Variants in ZNF600 observed in about 807,000 individuals in gnomAD.
ZNF600 encodes zinc finger protein KR-ZNF1.
In ZNF600, 4 loss-of-function variants were observed where a neutral mutation model predicts 7.3. That is an observed-to-expected ratio of 0.55 (90% CI 0.27 to 1.25). ZNF600 has a LOEUF of 1.25. ZNF600 is among the 50% of genes most tolerant of loss of function. The pLI is 0.12. For missense variants in ZNF600, 911 were observed against 922.1 expected (o/e 0.99, Z 0.16); for synonymous variants, 290 against 308.9 (o/e 0.94, Z 0.64).
At chr19:52,809,463 C>G in the ZNF600 span, among the ~76,000 whole-genome samples, 2 of 152,100 alleles carry the variant, frequency 1.3e-5, no homozygotes, top group Non-Finnish European at 2.9e-5. Flanking sequence ...AAAATAGACA[C>G]TGGCGTCTAC....
chr19:52,821,686 G>A, the ZNF600 span: 2 of 152,308 alleles, frequency 1.3e-5, no homozygotes, highest in African/African-American at 2.4e-5. Flanking sequence ...AGCCAACGAG[G>A]AGGCGAGCGG....
At chr19:52,808,711 G>A in the ZNF600 span, among the ~76,000 whole-genome samples, 2 of 151,986 alleles carry the variant, frequency 1.3e-5, no homozygotes, top group African/African-American at 4.8e-5. Flanking sequence ...CTACTTGGAA[G>A]GCTAAGGAGG....
upstream of ZNF600, among the ~76,000 whole-genome samples, chr19:52,787,681 A>AC (rs1417709036): frequency 6.6e-6 from 1 of 150,446 alleles, no homozygotes; most frequent in African/African-American, 2.4e-5. Flanking sequence ...ACACAGTGAA[A>AC]CCCCATCTCT....
chr19:52,765,879 G>C lies in ZNF600; in HGVS notation c.2084C>G (p.Ser695Ter), dbSNP rs1254151349. Residue 695 changes from serine to a stop codon, truncating the protein, a stop_gained, in exon 4 of 4, where the codon TCA (serine) becomes TGA (stop). Coordinates refer to ENST00000648973, the Ensembl canonical transcript of ZNF600. LOFTEE classifies it low-confidence loss of function (END_TRUNC). Reference sequence around the variant, plus strand: ...CCCAGCATGAATTCTATGATGAAGTGAAAGTTGTGATTGTTGATTAAAAGC... The same window carrying C: ...CCCAGCATGAATTCTATGATGAAGTCAAAGTTGTGATTGTTGATTAAAAGC... 3 of 1,613,872 alleles carry C rather than the reference G, an allele frequency of 1.9e-6. No homozygotes were observed. The African/African-American group carries it at 4.0e-5, about 22-fold the overall frequency.
chr19:52,821,094 T>C, the ZNF600 span, among the ~76,000 whole-genome samples: 7,379 of 123,422 alleles, frequency 0.06, 129 homozygotes, highest in East Asian at 0.18. Context: ...GGAGGGGAGA[T>C]CTGGGGAGCA....
At chr19:52,801,135 TG>T in the ZNF600 span, 1 of 1,614,098 alleles carries the variant, frequency 6.2e-7, no homozygotes. Context: ...CTCTTCTAAG[TG>T]GGTTATCTGA....
the ZNF600 span, among the ~76,000 whole-genome samples, chr19:52,803,577 T>C: frequency 7.1e-4 from 108 of 152,308 alleles, no homozygotes; most frequent in African/African-American, 2.3e-3. Context: ...AACTTGTACT[T>C]ACCACCAGCA....
the ZNF600 span, among the ~76,000 whole-genome samples, chr19:52,812,876 G>T: frequency 2.0e-5 from 3 of 148,444 alleles, no homozygotes; most frequent in Admixed American, 2.0e-4. Flanking sequence ...GATTACTATA[G>T]TTTTAAGGCT....
chr19:52,813,267 A>AAG, the ZNF600 span, among the ~76,000 whole-genome samples: 1 of 149,068 alleles, frequency 6.7e-6, no homozygotes, highest in East Asian at 2.0e-4. Flanking sequence ...AAAAAAAAAA[A>AAG]AAAAGACATA....
the ZNF600 span, chr19:52,799,046 C>A: frequency 1.8e-6 from 1 of 540,872 alleles, no homozygotes; most frequent in East Asian, 4.8e-5. Context: ...ATGAATTCTC[C>A]TGTCTTTCAA....
At chr19:52,831,016 A>G in the ZNF600 span, among the ~76,000 whole-genome samples, 9 of 151,926 alleles carry the variant, frequency 5.9e-5, no homozygotes, top group African/African-American at 9.7e-5. Context: ...ACGAGATCCA[A>G]AAAAGCAGCA....
the ZNF600 span, chr19:52,799,857 T>C: frequency 6.2e-7 from 1 of 1,614,104 alleles, no homozygotes; most frequent in Non-Finnish European, 8.5e-7. Context: ...ATTACACTTG[T>C]AAGGTTTCTC....
the ZNF600 span, chr19:52,821,685 G>A: frequency 6.6e-6 from 1 of 152,198 alleles, no homozygotes; most frequent in African/African-American, 2.4e-5. Flanking sequence ...GAGCCAACGA[G>A]GAGGCGAGCG....
the ZNF600 span, among the ~76,000 whole-genome samples, chr19:52,801,910 T>A: frequency 6.6e-6 from 1 of 152,210 alleles, no homozygotes; most frequent in Non-Finnish European, 1.5e-5. Context: ...GTCTATTTCC[T>A]ATATCATGAC....
At chr19:52,814,060 G>T in the ZNF600 span, among the ~76,000 whole-genome samples, 2 of 146,274 alleles carry the variant, frequency 1.4e-5, 1 homozygote, top group African/African-American at 5.3e-5. Flanking sequence ...AGTTACTACA[G>T]AATTTCTTCT....
intron 3 of ZNF600, among the ~76,000 whole-genome samples, chr19:52,771,925 T>C (rs1389262620): frequency 1.2e-4 from 18 of 152,150 alleles, no homozygotes; most frequent in Admixed American, 1.2e-3. Flanking sequence ...TCTAAGCTAT[T>C]TCTGACAGAA....
chr19:52,769,743 TG>T (rs1204013980), intron 3 of ZNF600, among the ~76,000 whole-genome samples: 3 of 152,104 alleles, frequency 2.0e-5, no homozygotes, highest in African/African-American at 7.2e-5. Context: ...CCTACAGAGA[TG>T]GGGTTTCACC....
At chr19:52,790,667 A>ATC (rs962331596), upstream of ZNF600, among the ~76,000 whole-genome samples, 2 of 137,838 alleles carry the variant, frequency 1.5e-5, no homozygotes, top group African/African-American at 2.7e-5. Context: ...GAGCAACATT[A>ATC]TCTCTCTCTC....
the ZNF600 span, among the ~76,000 whole-genome samples, chr19:52,811,284 C>T: frequency 2.0e-5 from 3 of 151,582 alleles, no homozygotes; most frequent in Non-Finnish European, 4.4e-5. Flanking sequence ...TCCCAAAGAG[C>T]CGAGATTGCA....
Sources: gnomAD v4.1 joint callset for allele counts (sites outside exome capture counted in the v4.1 genomes callset) on GRCh38, gnomAD v4.1.1 for gene constraint, MANE v1.5 for transcripts, NCBI Gene and HGNC (gene_info 2026-07-23, HGNC 2026-07-21) for gene names.